Variants in ZMYM1 observed in about 807,000 individuals in gnomAD.
The protein encoded by ZMYM1 is zinc finger MYM-type containing 1.
ZMYM1 carries 39 observed loss-of-function variants against 60.0 expected under a neutral mutation model. The observed-to-expected ratio is 0.65, with a 90% CI of 0.50 to 0.85. The LOEUF is 0.85. ZMYM1 is among the 40% of genes least tolerant of loss of function. The probability of loss-of-function intolerance (pLI) is 0.00; values close to 1 mark genes in which losing one functional copy is unlikely to be tolerated. For missense variants in ZMYM1, 1,171 were observed against 1,309.5 expected, an observed-to-expected ratio of 0.89 and a Z score of 1.63; for synonymous variants, 413 against 454.0, an observed-to-expected ratio of 0.91 and a Z score of 1.15.
At chr1:35,073,093 T>C (rs764730746) in intron 1 of ZMYM1, among the ~76,000 whole-genome samples, 5 of 140,094 alleles carry the variant, frequency 3.6e-5, no homozygotes, top group Admixed American at 7.1e-5. Context: ...AAAAAAAAAA[T>C]ACAAAAAATA....
At chr1:35,094,613 G>A (rs1643209351) in intron 2 of ZMYM1, among the ~76,000 whole-genome samples, 1 of 152,162 alleles carries the variant, frequency 6.6e-6, no homozygotes, top group Non-Finnish European at 1.5e-5. Context: ...CCAGAACTTT[G>A]GGAGGCCAAG....
intron 9 of ZMYM1, among the ~76,000 whole-genome samples, chr1:35,112,554 A>T (rs968035847): frequency 9.3e-6 from 1 of 107,956 alleles, no homozygotes; most frequent in Non-Finnish European, 1.9e-5. Flanking sequence ...ATATTATAAT[A>T]TATTGTATAT....
intron 9 of ZMYM1, 115 bp downstream of exon 9, chr1:35,112,245 T>G: frequency 1.0e-6 from 1 of 1,001,984 alleles, no homozygotes; most frequent in Non-Finnish European, 1.5e-6. Context: ...TGGCGTGATC[T>G]CAGCTCACTG....
intron 1 of ZMYM1, among the ~76,000 whole-genome samples, chr1:35,084,315 T>C (rs1642545330): frequency 6.6e-6 from 1 of 152,156 alleles, no homozygotes; most frequent in Admixed American, 6.6e-5. Context: ...TCTATTGCCA[T>C]TTTTTTCCAG....
chr1:35,064,531 C>T (rs1271099610), intron 1 of ZMYM1, among the ~76,000 whole-genome samples: 2 of 151,432 alleles, frequency 1.3e-5, no homozygotes, highest in African/African-American at 4.9e-5. Context: ...GAACATTTAC[C>T]GAAATAGACA....
intron 1 of ZMYM1, among the ~76,000 whole-genome samples, chr1:35,071,864 C>T (rs1021295491): frequency 4.6e-5 from 7 of 152,176 alleles, no homozygotes; most frequent in African/African-American, 1.2e-4. Flanking sequence ...GAAAACTGGG[C>T]GCAGTGGCTC....
At chr1:35,112,462 G>A (rs1644121498) in intron 9 of ZMYM1, among the ~76,000 whole-genome samples, 1 of 147,632 alleles carries the variant, frequency 6.8e-6, no homozygotes, top group Non-Finnish European at 1.5e-5. Context: ...ACAGGCATGA[G>A]CCACCACACC....
At chr1:35,073,134 C>A (rs1188564652) in intron 1 of ZMYM1, among the ~76,000 whole-genome samples, 1 of 150,664 alleles carries the variant, frequency 6.6e-6, no homozygotes, top group Admixed American at 6.6e-5. Flanking sequence ...GTGGCACATG[C>A]CTGTAGTCCC....
intron 9 of ZMYM1, among the ~76,000 whole-genome samples, chr1:35,112,571 A>T (rs1217093788): frequency 3.4e-5 from 1 of 29,090 alleles, no homozygotes; most frequent in African/African-American, 1.0e-4. Flanking sequence ...ATATAATATA[A>T]ATATATTATA....
intron 6 of ZMYM1, among the ~76,000 whole-genome samples, chr1:35,105,516 C>T (rs1643869033): frequency 6.6e-6 from 1 of 151,940 alleles, no homozygotes; most frequent in African/African-American, 2.4e-5. Context: ...TCACTGCAAC[C>T]TCCGCCTCCC....
chr1:35,097,405 G>C lies in ZMYM1; in HGVS notation c.258G>C (p.Gln86His). ...MLPSVSTTAI[Q>H]VSCAGCKKIL... ...CTTCAGTTTCAACCACAGCTATTCA[G>C]GTTTCCTGTGCTGGTTGTAAAAAAA... Residue 86 changes from glutamine to histidine, a missense_variant, in exon 4 of 10, where the codon CAG (glutamine) becomes CAC (histidine). Physicochemically the swap from Gln to His is conservative, Grantham distance 24 (BLOSUM62 0). Transcript: ENST00000359858. 6.2e-7 allele frequency: 1 copy of C among 1,614,004 alleles called. No homozygotes were observed.
At chr1:35,089,868 C>G (rs1055929287) in intron 1 of ZMYM1, among the ~76,000 whole-genome samples, 6 of 150,142 alleles carry the variant, frequency 4.0e-5, no homozygotes, top group African/African-American at 1.2e-4. Context: ...GCCTCAGCCT[C>G]CCGAGTAGCT....
downstream of ZMYM1, among the ~76,000 whole-genome samples, chr1:35,118,208 T>C (rs1393111049): frequency 7.2e-6 from 1 of 139,618 alleles, no homozygotes; most frequent in Non-Finnish European, 1.5e-5. Context: ...GCCATTGCAC[T>C]CCAGCCTGGG....
rs1000793100 is a variant in ZMYM1, at chr1:35,115,328, C to G, written c.*69C>G. 2.0e-6 allele frequency: 3 copies of G among 1,464,556 alleles called. No homozygotes were observed. The highest frequency in any genetic ancestry group is 2.7e-6 in the Non-Finnish European group (3 of 1,107,422). 90.7% of individuals were successfully genotyped at this position (1,464,556 alleles called of 1,614,324 possible). On this transcript the variant is annotated 3_prime_UTR_variant, in exon 10 of 10. Transcript: ENST00000359858. ...GGGATGTTTTCATTTCAAAATTGTTCAAAATTCAAAAGACACAGAACGATA... is the reference window on the plus strand; with the variant it reads ...GGGATGTTTTCATTTCAAAATTGTTGAAAATTCAAAAGACACAGAACGATA...
At chr1:35,062,800 C>T (rs2148474086) in intron 1 of ZMYM1, among the ~76,000 whole-genome samples, 1 of 152,352 alleles carries the variant, frequency 6.6e-6, no homozygotes, top group African/African-American at 2.4e-5. Flanking sequence ...TAGGCAGAAC[C>T]AGGGACCTCC....
upstream of ZMYM1, among the ~76,000 whole-genome samples, chr1:35,075,019 C>A (rs1303319020): frequency 6.6e-6 from 1 of 151,926 alleles, no homozygotes; most frequent in Non-Finnish European, 1.5e-5. Flanking sequence ...CGTCACTGCG[C>A]CCAGCTAATT....
chr1:35,101,378 CAT>C (rs1474677294), intron 4 of ZMYM1, among the ~76,000 whole-genome samples: 2 of 150,304 alleles, frequency 1.3e-5, no homozygotes, highest in South Asian at 2.1e-4. Flanking sequence ...CAGGATTACA[CAT>C]GTGAGCCACC....
intron 1 of ZMYM1, among the ~76,000 whole-genome samples, chr1:35,089,521 GC>G (rs1191422783): frequency 1.3e-5 from 2 of 152,040 alleles, no homozygotes; most frequent in Admixed American, 6.6e-5. Flanking sequence ...AGGTGGTTGA[GC>G]CCCAATCACA....
At chr1:35,107,160 C>T (rs1643918598) in intron 6 of ZMYM1, among the ~76,000 whole-genome samples, 1 of 147,802 alleles carries the variant, frequency 6.8e-6, no homozygotes, top group South Asian at 2.3e-4. Flanking sequence ...CGGCCTTGTT[C>T]TGTTTTTAAA....
Sources: allele counts gnomAD v4.1 joint callset (sites outside exome capture counted in the v4.1 genomes callset), GRCh38; gene constraint gnomAD v4.1.1; transcripts MANE v1.5; gene names NCBI Gene and HGNC (gene_info 2026-07-23, HGNC 2026-07-21).